NLE1: variants seen among roughly 807,000 people sequenced by gnomAD.
NLE1 encodes notchless protein homolog 1.
Under a neutral mutation model 62.8 loss-of-function variants are expected in NLE1, and 37 were observed. The ratio of observed to expected loss-of-function variants is 0.59; its 90% confidence interval spans 0.45 to 0.78. NLE1 has a LOEUF of 0.78. Among genes scored for constraint, NLE1 ranks in the 30% least tolerant of loss-of-function variants. The probability of loss-of-function intolerance (pLI) is 0.00; values close to 1 mark genes in which losing one functional copy is unlikely to be tolerated. For missense variants in NLE1, 555 were observed against 637.9 expected (o/e 0.87, Z 1.40); for synonymous variants, 243 against 253.0 (o/e 0.96, Z 0.37).
At position 35,129,549 on chromosome 17, in the gene NLE1, T is replaced by C. The variant is rs1181020672; in HGVS notation, c.*2888A>G. The C allele has an allele frequency of 3.1e-6, 5 of 1,614,108 alleles. No homozygotes were observed. The South Asian group carries it at 5.5e-5, about 18-fold the overall frequency. On this transcript the variant is annotated 3_prime_UTR_variant, in exon 13 of 13. Transcript: ENST00000442241. Reference sequence around the variant, plus strand: ...AATCGTCCATGGATCTTCAACAAGATTTTGGGCACTACTGTCAAGCTGATG... The same window carrying C: ...AATCGTCCATGGATCTTCAACAAGACTTTGGGCACTACTGTCAAGCTGATG...
intron 8 of NLE1, 46 bp downstream of exon 8, chr17:35,136,316 G>A (rs1217938836): frequency 6.2e-7 from 1 of 1,608,044 alleles, no homozygotes; most frequent in Non-Finnish European, 8.5e-7. Context: ...TTGAGAACTG[G>A]CTCCTTCCCA....
At position 35,135,440 on chromosome 17, in the gene NLE1, TG is replaced by T. The variant is rs2091902653; in HGVS notation, c.1022del (p.Pro341GlnfsTer28). 6.2e-7 allele frequency: 1 copy of T among 1,613,972 alleles called. No individual in the cohort carries two copies. Among genetic ancestry groups the T allele is most frequent in the African/African-American group, 1.3e-5 (1 of 74,914 alleles). ...SRYNLVRGQG[P>X]ERLVSGSDDF... ...CGTCGGAGCCAGACACCAGCCTCTC[TG>T]GACCCTGGCCCTAGGGGAGGCAGAA... On this transcript the variant is annotated frameshift_variant, in exon 10 of 13. Coordinates refer to ENST00000442241, the MANE Select transcript of NLE1 (RefSeq NM_018096.5). LOFTEE classifies it high-confidence loss of function.
At position 35,135,393 on chromosome 17, in the gene NLE1, G is replaced by A; in HGVS notation, c.1070C>T (p.Ser357Phe). The A allele has an allele frequency of 6.2e-7, 1 of 1,614,196 alleles. No individual in the cohort carries two copies. The highest frequency in any genetic ancestry group is 8.5e-7 in the Non-Finnish European group (1 of 1,180,038). The change falls in exon 10 of 13, where the codon TCC becomes TTC. Residue 357 changes from serine to phenylalanine, a missense_variant. Physicochemically the swap from Ser to Phe is radical, Grantham distance 155. Coordinates refer to ENST00000442241, the MANE Select transcript of NLE1 (RefSeq NM_018096.5). ...GAGAGGCTTTTTGTCCTCTGCTGGG[G>A]ACCACAGGAATAAGGTGAAGTCGTC... ...GSDDFTLFLW[S>F]PAEDKKPLTR...
intron 7 of NLE1, among the ~76,000 whole-genome samples, chr17:35,136,800 G>T (rs909617941): frequency 6.6e-6 from 1 of 152,058 alleles, no homozygotes; most frequent in Non-Finnish European, 1.5e-5. Flanking sequence ...AGAGTGTGAC[G>T]ATCTCATGGG....
In NLE1 at chr17:35,135,214, C is replaced by T. The variant is rs763207812; in HGVS notation, c.1214+35G>A. 1.2e-5 allele frequency: 19 copies of T among 1,604,702 alleles called. No homozygotes were observed. In the South Asian group the frequency reaches 2.0e-4, roughly 17 times the overall value. ...AGTGCCAAGCCCCTCCCACCATTCA[C>T]TCCTTACAGAGAAGCAGTACCCACC... On this transcript the variant is annotated intron_variant, in intron 10 of 12. Transcript: ENST00000442241.
Position 35,129,272 on chromosome 17 carries a change from C to A in NLE1, c.*3165G>T. 1.0e-6 allele frequency: 1 copy of A among 964,456 alleles called. No individual in the cohort carries two copies. The highest frequency in any genetic ancestry group is 1.6e-6 in the Non-Finnish European group (1 of 640,970). 59.7% of individuals were successfully genotyped at this position (964,456 alleles called of 1,614,324 possible). On this transcript the variant is annotated 3_prime_UTR_variant, in exon 13 of 13. Transcript: ENST00000442241. ...CGGGGCAGGGGTTCCACACTCAGTG[C>A]TGCAGTACCTTGCACCTTCCATCTG...
Position 35,130,734 on chromosome 17 carries a change from C to T in NLE1, c.*1703G>A, listed in dbSNP as rs2091872034. 1 of 341,788 alleles carries T rather than the reference C, an allele frequency of 2.9e-6. No homozygotes were observed. Among genetic ancestry groups the T allele is most frequent in the Non-Finnish European group, 5.4e-6 (1 of 184,708 alleles). The allele number at this position is 341,788 out of a possible 1,614,324, so 21.2% of individuals were successfully genotyped here. Reference sequence around the variant, plus strand: ...TAAAGAACTGCAGGTCATCCAGCACCCTAAAGTCTGCTTTATGCTGCAGAC... The same window carrying T: ...TAAAGAACTGCAGGTCATCCAGCACTCTAAAGTCTGCTTTATGCTGCAGAC... On this transcript the variant is annotated 3_prime_UTR_variant, in exon 13 of 13. Coordinates refer to ENST00000442241, the MANE Select transcript of NLE1 (RefSeq NM_018096.5).
At position 35,132,453 on chromosome 17, in the gene NLE1, TGGA is replaced by T. The variant is rs2091881848; in HGVS notation, c.1446-7_1446-5del. ...CGGGCCGTCTCATCTCCTCCATCTG[TGGA>T]GAAGGGAAGGGTGTCAGGATGGGGA... On this transcript the variant is annotated splice_polypyrimidine_tract_variant and splice_region_variant and intron_variant, in intron 12 of 12. Transcript: ENST00000442241. 7.1e-7 allele frequency: 1 copy of T among 1,403,948 alleles called. No homozygotes were observed. The highest frequency in any genetic ancestry group is 1.8e-5 in the South Asian group (1 of 56,720). The allele number at this position is 1,403,948 out of a possible 1,614,324, so 87.0% of individuals were successfully genotyped here.
rs988100162 is a variant in NLE1, at chr17:35,129,306, G to A, written c.*3131C>T. On this transcript the variant is annotated 3_prime_UTR_variant, in exon 13 of 13. Transcript: ENST00000442241. ...CTTGCACCTTCCATCTGACCTGCCT[G>A]GGCCCCAGCAGGAGCAGGGGATGGG... 2 of 1,344,736 alleles carry A rather than the reference G, an allele frequency of 1.5e-6. No homozygotes were observed. The highest frequency in any genetic ancestry group is 2.9e-5 in the African/African-American group (2 of 69,172). The allele number at this position is 1,344,736 out of a possible 1,614,324, so 83.3% of individuals were successfully genotyped here. A position where few individuals can be genotyped will look rare whatever the true frequency, so the allele number is the denominator to read the frequency against.
At position 35,141,979 on chromosome 17, in the gene NLE1, C is replaced by G; in HGVS notation, c.162G>C (p.Gln54His). Residue 54 changes from glutamine to histidine, a missense_variant and splice_region_variant, in exon 2 of 13, where the codon CAG (glutamine) becomes CAC (histidine). Transcript: ENST00000442241. Reference protein sequence around the residue: ...LQLVCNALLAQEDPLPLAFFV... With the variant: ...LQLVCNALLAHEDPLPLAFFV... ...GAGGCCGCCCTGGCCAGCCACTTACCTGGGCCAGTAGCGCGTTGCACACGA... is the reference window on the plus strand; with the variant it reads ...GAGGCCGCCCTGGCCAGCCACTTACGTGGGCCAGTAGCGCGTTGCACACGA... The G allele has an allele frequency of 1.9e-6, 3 of 1,577,448 alleles. No homozygotes were observed. Among genetic ancestry groups the G allele is most frequent in the Non-Finnish European group, 2.6e-6 (3 of 1,162,550 alleles).
chr17:35,129,533 T>C lies in NLE1; in HGVS notation c.*2904A>G. ...GTTGCCCGAGGCAAAGAATCGTCCA[T>C]GGATCTTCAACAAGATTTTGGGCAC... is the stretch of plus-strand genomic sequence containing the variant. On this transcript the variant is annotated 3_prime_UTR_variant, in exon 13 of 13. Transcript: ENST00000442241. 1.9e-6 allele frequency: 3 copies of C among 1,614,206 alleles called. No homozygotes were observed. The highest frequency in any genetic ancestry group is 1.1e-5 in the South Asian group (1 of 91,082).
In NLE1 at chr17:35,135,318, G is replaced by C. The variant is rs1422796154; in HGVS notation, c.1145C>G (p.Pro382Arg). 2.5e-6 allele frequency: 4 copies of C among 1,614,214 alleles called. No homozygotes were observed. Among genetic ancestry groups the C allele is most frequent in the African/African-American group, 1.3e-5 (1 of 75,056 alleles). Residue 382 changes from proline (P) to arginine (R), a missense_variant, in exon 10 of 13, where the codon CCT (proline) becomes CGT (arginine). Transcript: ENST00000442241. ...GGCACTAGCCACGATGCGGGAGTCA[G>C]GAGAGAAGAGCACCTGGTTGATGAG... ...QALINQVLFS[P>R]DSRIVASASF...
Position 35,135,283 on chromosome 17 carries a change from T to C in NLE1, c.1180A>G (p.Lys394Glu), listed in dbSNP as rs1341256472. The change falls in exon 10 of 13, where the codon AAG becomes GAG. Residue 394 changes from lysine (K) to glutamate (E), a missense_variant. Coordinates refer to ENST00000442241, the MANE Select transcript of NLE1 (RefSeq NM_018096.5). Reference protein sequence around the residue: ...SRIVASASFDKSIKLWDGRTG... With the variant: ...SRIVASASFDESIKLWDGRTG... ...CTGCCATCCCACAGCTTGATGGACT[T>C]GTCAAAGGAGGCACTAGCCACGATG... The C allele has an allele frequency of 1.2e-6, 2 of 1,614,114 alleles. No individual in the cohort carries two copies. Among genetic ancestry groups the C allele is most frequent in the South Asian group, 1.1e-5 (1 of 91,078 alleles).
chr17:35,138,895 G>A (rs914195867), intron 4 of NLE1, among the ~76,000 whole-genome samples: 1 of 151,960 alleles, frequency 6.6e-6, no homozygotes, highest in African/African-American at 2.4e-5. Context: ...ACTCCTTGGT[G>A]CAGTTTCTGC....
chr17:35,129,692 G>A lies in NLE1; in HGVS notation c.*2745C>T, dbSNP rs368698262. 3.7e-6 allele frequency: 6 copies of A among 1,603,318 alleles called. No homozygotes were observed. The African/African-American group carries it at 8.0e-5, about 21-fold the overall frequency. ...TGGGAAAAGAGGGGCCTTGGGGGTGGAGAGAAGTCCAAAGCCAGGGAACCA... is the reference window on the plus strand; with the variant it reads ...TGGGAAAAGAGGGGCCTTGGGGGTGAAGAGAAGTCCAAAGCCAGGGAACCA... On this transcript the variant is annotated 3_prime_UTR_variant, in exon 13 of 13. Transcript: ENST00000442241.
Position 35,137,053 on chromosome 17 carries a change from A to G in NLE1, c.776T>C (p.Leu259Pro), listed in dbSNP as rs1278187177. ...GCGGTCCTGGGAGGCAGAGTAGAGA[A>G]GCCCGTCCCCTCCCCACCGGAGACA... ...VTCLRWGGDG[L>P]LYSASQDRTI... Residue 259 changes from leucine (L) to proline (P), a missense_variant, in exon 7 of 13, where the codon CTT (leucine) becomes CCT (proline). Leu to Pro is a moderately conservative substitution (Grantham distance 98, BLOSUM62 -3). Transcript: ENST00000442241. 1 of 1,613,962 alleles carries G rather than the reference A, an allele frequency of 6.2e-7. No individual in the cohort carries two copies. Among genetic ancestry groups the G allele is most frequent in the African/African-American group, 1.3e-5 (1 of 75,014 alleles).
In NLE1 at chr17:35,142,283, C is replaced by A. The variant is rs201546854; in HGVS notation, c.-8G>T. 1 of 1,540,052 alleles carries A rather than the reference C, an allele frequency of 6.5e-7. No homozygotes were observed. Among genetic ancestry groups the A allele is most frequent in the Admixed American group, 2.0e-5 (1 of 50,044 alleles). On this transcript the variant is annotated 5_prime_UTR_variant, in exon 1 of 13. Coordinates refer to ENST00000442241, the MANE Select transcript of NLE1 (RefSeq NM_018096.5). ...CGGCACTGCTGCCGCCATCCTGCGT[C>A]CCCACGTGGAGGAGAAAGAGCCCGG... is the stretch of plus-strand genomic sequence containing the variant.
At chr17:35,141,609 T>G (rs2091944541) in intron 2 of NLE1, among the ~76,000 whole-genome samples, 1 of 150,996 alleles carries the variant, frequency 6.6e-6, no homozygotes, top group Non-Finnish European at 1.5e-5. Flanking sequence ...GGTATTCGGA[T>G]AGTTTTGGGT....
In NLE1 at chr17:35,132,306, C is replaced by T; in HGVS notation, c.*131G>A. 1.4e-6 allele frequency: 1 copy of T among 719,036 alleles called. No individual in the cohort carries two copies. Among genetic ancestry groups the T allele is most frequent in the South Asian group, 3.4e-5 (1 of 29,506 alleles). The allele number at this position is 719,036 out of a possible 1,614,324, so 44.5% of individuals were successfully genotyped here. ...ATTCCGGTCTATCGAGGACAGCAGG[C>T]CACACGCATTCTCAGGTCCCCACTG... On this transcript the variant is annotated 3_prime_UTR_variant, in exon 13 of 13. Coordinates refer to ENST00000442241, the MANE Select transcript of NLE1 (RefSeq NM_018096.5).
Sources: allele counts gnomAD v4.1 joint callset (sites outside exome capture counted in the v4.1 genomes callset), GRCh38; gene constraint gnomAD v4.1.1; transcripts MANE v1.5; gene names NCBI Gene and HGNC (gene_info 2026-07-23, HGNC 2026-07-21).